Variants in SLC25A51 observed in about 807,000 individuals in gnomAD.
The protein encoded by SLC25A51 is mitochondrial nicotinamide adenine dinucleotide transporter SLC25A51.
SLC25A51 carries 11 observed loss-of-function variants against 19.1 expected under a neutral mutation model. The ratio of observed to expected loss-of-function variants is 0.58; its 90% CI spans 0.36 to 0.96. The LOEUF (loss-of-function observed/expected upper bound fraction) is 0.96. Among genes scored for constraint, SLC25A51 ranks in the 40% least tolerant of loss-of-function variants. The pLI is 0.01. For synonymous variants in SLC25A51, 105 were observed against 133.6 expected (o/e 0.79, Z 1.47); for missense variants, 201 against 365.4 (o/e 0.55, Z 3.67).
intron 2 of SLC25A51, among the ~76,000 whole-genome samples, chr9:37,897,013 A>G (rs181557497): frequency 6.8e-4 from 104 of 152,302 alleles, no homozygotes; most frequent in African/African-American, 2.4e-3. Flanking sequence ...GTCCAGAGGG[A>G]ATGACAGACA....
rs766180352 is a variant in SLC25A51, at chr9:37,888,202, C to T, written c.349G>A (p.Glu117Lys). 1 of 1,614,130 alleles carries T rather than the reference C, an allele frequency of 6.2e-7. No homozygotes were observed. Among genetic ancestry groups the T allele is most frequent in the Non-Finnish European group, 8.5e-7 (1 of 1,179,974 alleles). Reference sequence around the variant, plus strand: ...GCCGCCACGCCACTGGTTGCAAACTCTGGAGCACTGACATGCTTGTGGAGA... The same window carrying T: ...GCCGCCACGCCACTGGTTGCAAACTTTGGAGCACTGACATGCTTGTGGAGA... ...CLLHKHVSAPEFATSGVAAVL... is the reference protein window; with the variant it reads ...CLLHKHVSAPKFATSGVAAVL... Residue 117 changes from glutamate to lysine, a missense_variant, in exon 3 of 3, where the codon GAG becomes AAG. Glu to Lys is a moderately conservative substitution (Grantham distance 56). Transcript: ENST00000242275.
downstream of SLC25A51, among the ~76,000 whole-genome samples, chr9:37,884,582 T>C (rs144368164): frequency 1.3e-5 from 2 of 152,320 alleles, no homozygotes; most frequent in Non-Finnish European, 2.9e-5. Context: ...ATTGCATTAA[T>C]AGACTTCCAA....
downstream of SLC25A51, chr9:37,886,467 TTTTA>T (rs1587156195): frequency 4.2e-6 from 6 of 1,431,066 alleles, no homozygotes; most frequent in South Asian, 2.9e-5. Context: ...GACTACAGCC[TTTTA>T]TTTATGTTTT....
intron 1 of SLC25A51, among the ~76,000 whole-genome samples, chr9:37,903,118 G>A (rs893815443): frequency 6.6e-6 from 1 of 152,210 alleles, no homozygotes; most frequent in African/African-American, 2.4e-5. Context: ...GATGCGCTAA[G>A]GGTGATTCCA....
intron 2 of SLC25A51, among the ~76,000 whole-genome samples, chr9:37,890,083 T>C (rs1481392264): frequency 1.3e-5 from 2 of 152,112 alleles, no homozygotes; most frequent in Non-Finnish European, 2.9e-5. Context: ...TGGATTTTAA[T>C]TCCTTAACAG....
intron 2 of SLC25A51, among the ~76,000 whole-genome samples, chr9:37,890,405 T>G (rs974542439): frequency 2.0e-5 from 3 of 151,854 alleles, no homozygotes; most frequent in African/African-American, 7.3e-5. Flanking sequence ...AACAATAATT[T>G]AAAAATTAAA....
chr9:37,881,520 G>A (rs754180145), exon 3 of SLC25A51: 7 of 152,216 alleles, frequency 4.6e-5, no homozygotes, highest in Admixed American at 1.3e-4. Flanking sequence ...GCACGTACCT[G>A]TAGTCCCAGC....
chr9:37,898,137 G>A (rs1440287743), intron 2 of SLC25A51, among the ~76,000 whole-genome samples: 1 of 152,230 alleles, frequency 6.6e-6, no homozygotes, highest in South Asian at 2.1e-4. Flanking sequence ...CAGGCCAGGA[G>A]CAGTAGTTTA....
downstream of SLC25A51, chr9:37,885,978 T>C: frequency 1.9e-6 from 3 of 1,613,856 alleles, no homozygotes; most frequent in Non-Finnish European, 2.5e-6. Flanking sequence ...ACTTGGATTG[T>C]GGAGTTCTTT....
intron 2 of SLC25A51, among the ~76,000 whole-genome samples, chr9:37,896,305 G>C (rs893803233): frequency 6.6e-6 from 1 of 151,440 alleles, no homozygotes; most frequent in Non-Finnish European, 1.5e-5. Flanking sequence ...TTCTTCTCTA[G>C]TACTAACCTG....
downstream of SLC25A51, chr9:37,885,727 T>C: frequency 6.9e-7 from 1 of 1,444,730 alleles, no homozygotes; most frequent in Non-Finnish European, 9.7e-7. Context: ...ATTGTGATGA[T>C]GAAGAACCGC....
intron 2 of SLC25A51, among the ~76,000 whole-genome samples, chr9:37,888,904 G>A (rs1831520606): frequency 6.6e-6 from 1 of 152,114 alleles, no homozygotes; most frequent in Admixed American, 6.5e-5. Context: ...ACATGCAAAA[G>A]GCTTAGAAAA....
chr9:37,885,513 C>T (rs998866592), downstream of SLC25A51, among the ~76,000 whole-genome samples: 2 of 152,122 alleles, frequency 1.3e-5, no homozygotes, highest in Non-Finnish European at 2.9e-5. Context: ...CCTCAGCCTC[C>T]CGAGTAGCTA....
chr9:37,880,861 C>CACCT (rs1445214601), intron 3 of SLC25A51: 2 of 152,230 alleles, frequency 1.3e-5, no homozygotes, highest in African/African-American at 4.8e-5. Context: ...TTCCTGGTCA[C>CACCT]ACCTACTCCT....
chr9:37,887,640 C>T lies in SLC25A51; in HGVS notation c.*17G>A, dbSNP rs1831490382. 1.9e-6 allele frequency: 3 copies of T among 1,597,972 alleles called. No individual in the cohort carries two copies. The highest frequency in any genetic ancestry group is 2.6e-6 in the Non-Finnish European group (3 of 1,173,250). The stretch of plus-strand genomic sequence containing the variant: ...AGGTCTATTCAGTTGATAAATGGCA[C>T]TTAACTGATGGTTTTTTCATATAAC... On this transcript the variant is annotated 3_prime_UTR_variant, in exon 3 of 3. Transcript: ENST00000242275.
downstream of SLC25A51, chr9:37,886,405 C>T: frequency 6.4e-7 from 1 of 1,574,632 alleles, no homozygotes; most frequent in Non-Finnish European, 8.6e-7. Context: ...CTCACTTTGG[C>T]AGTGCTTCCT....
downstream of SLC25A51, among the ~76,000 whole-genome samples, chr9:37,885,245 G>GA (rs1339639348): frequency 7.3e-6 from 1 of 137,482 alleles, no homozygotes; most frequent in Admixed American, 8.4e-5. Flanking sequence ...ATTGGTTTAA[G>GA]AAAAAGAATC....
chr9:37,888,622 C>T, intron 2 of SLC25A51, 30 bp from the exon 3 acceptor site: 2 of 1,512,516 alleles, frequency 1.3e-6, no homozygotes, highest in Non-Finnish European at 1.8e-6. Flanking sequence ...ACGGGTAAAC[C>T]CGTTTTATAG....
chr9:37,898,456 G>A (rs1183420230), intron 2 of SLC25A51, among the ~76,000 whole-genome samples: 1 of 152,150 alleles, frequency 6.6e-6, no homozygotes, highest in Non-Finnish European at 1.5e-5. Context: ...TCGGGAGGCT[G>A]AGGCAGGAGA....
Sources: allele counts gnomAD v4.1 joint callset (sites outside exome capture counted in the v4.1 genomes callset), GRCh38; gene constraint gnomAD v4.1.1; transcripts MANE v1.5; gene names NCBI Gene and HGNC (gene_info 2026-07-23, HGNC 2026-07-21).